The following MTERF4 variants were observed in gnomAD, a reference collection of about 807,000 sequenced individuals.
MTERF4 encodes the protein transcription termination factor 4, mitochondrial.
In MTERF4, 17 loss-of-function variants were observed where a neutral mutation model predicts 22.5. The ratio of observed to expected loss-of-function variants is 0.75; its 90% CI spans 0.52 to 1.13. The LOEUF is 1.13. Among genes scored for constraint, MTERF4 ranks in the 50% most tolerant of loss-of-function variants. The pLI, the probability that MTERF4 is intolerant of heterozygous loss-of-function variation, is 0.00. For synonymous variants in MTERF4, 165 were observed against 175.3 expected (o/e 0.94, Z 0.47); for missense variants, 420 against 466.8 (o/e 0.90, Z 0.92).
At chr2:241,071,697 C>CCG, downstream of MTERF4, 1 of 1,521,354 alleles carries the variant, frequency 6.6e-7, no homozygotes, top group Non-Finnish European at 8.8e-7. Context: ...ACAGCGCCCC[C>CCG]GAGACCCCCA....
downstream of MTERF4, among the ~76,000 whole-genome samples, chr2:241,086,827 C>A (rs1206050381): frequency 6.6e-6 from 1 of 152,222 alleles, no homozygotes; most frequent in Non-Finnish European, 1.5e-5. Flanking sequence ...TTATTATCTA[C>A]AAACTTGTAA....
chr2:241,081,903 GC>G, intron 4 of MTERF4: 2 of 803,810 alleles, frequency 2.5e-6, no homozygotes, highest in Non-Finnish European at 4.1e-6. Flanking sequence ...ACGATGAGGT[GC>G]CAGACAGGGA....
At chr2:241,051,733 C>T in the MTERF4 span, 2 of 1,474,754 alleles carry the variant, frequency 1.4e-6, no homozygotes, top group Non-Finnish European at 1.8e-6. This position sits in a 1 kb window ranked among gnomAD's most constrained non-coding sequence, Gnocchi z 4.7. Flanking sequence ...CCTCTCTGTC[C>T]TTCCACACAG....
At chr2:241,065,442 C>T in the MTERF4 span, 3 of 1,613,064 alleles carry the variant, frequency 1.9e-6, no homozygotes, top group South Asian at 2.2e-5. Flanking sequence ...CGGCTCCTAC[C>T]GCCGCACAGA....
At position 241,095,962 on chromosome 2, in the gene MTERF4, T is replaced by C. The variant is rs200035477; in HGVS notation, c.*36A>G. On this transcript the variant is annotated 3_prime_UTR_variant, in exon 4 of 4. Coordinates refer to ENST00000391980, the MANE Select transcript of MTERF4 (RefSeq NM_182501.4). Reference sequence around the variant, plus strand: ...AAGAGAATGAAAAGCTTCCTTGATATCTCTGGGCCCTTTCGCTCTAGTCCT... The same window carrying C: ...AAGAGAATGAAAAGCTTCCTTGATACCTCTGGGCCCTTTCGCTCTAGTCCT... The C allele has an allele frequency of 1.3e-6, 2 of 1,580,764 alleles. No homozygotes were observed. The highest frequency in any genetic ancestry group is 1.7e-6 in the Non-Finnish European group (2 of 1,163,182).
At chr2:241,072,326 C>A in exon 5 of MTERF4, 2 of 417,052 alleles carry the variant, frequency 4.8e-6, no homozygotes, top group South Asian at 3.6e-5. Flanking sequence ...GGCAGCAAGG[C>A]TGATGGGCCC....
chr2:241,051,699 C>T, the MTERF4 span: 2 of 1,400,710 alleles, frequency 1.4e-6, no homozygotes, highest in East Asian at 2.5e-5. The surrounding 1 kb of genome is among the most constrained non-coding windows in gnomAD (Gnocchi z 4.7). Context: ...TCTGTGGGGC[C>T]AGCAGCCTGG....
At chr2:241,057,264 A>G in the MTERF4 span, among the ~76,000 whole-genome samples, 2 of 151,838 alleles carry the variant, frequency 1.3e-5, no homozygotes, top group East Asian at 3.9e-4. Flanking sequence ...CTGTAATCTC[A>G]GCTACTCAGG....
downstream of MTERF4, chr2:241,087,487 G>A: frequency 6.3e-7 from 1 of 1,595,242 alleles, no homozygotes. Flanking sequence ...TGCCTCTGGG[G>A]AGCAGGCCCA....
chr2:241,098,120 A>G (rs2064539633), intron 2 of MTERF4, among the ~76,000 whole-genome samples: 1 of 152,216 alleles, frequency 6.6e-6, no homozygotes, highest in Non-Finnish European at 1.5e-5. Context: ...CTTAAAGTCA[A>G]CTATTTAAAC....
chr2:241,062,878 G>A, the MTERF4 span: 1 of 1,607,348 alleles, frequency 6.2e-7, no homozygotes, highest in East Asian at 2.2e-5. Flanking sequence ...TGCAGCACAG[G>A]CTATGAGGGC....
chr2:241,081,664 C>T (rs757076530), intron 4 of MTERF4: 61 of 1,576,492 alleles, frequency 3.9e-5, no homozygotes, highest in Admixed American at 9.0e-5. Context: ...CCTCTCGTGA[C>T]CTCTGTTTCC....
At chr2:241,053,468 T>G in the MTERF4 span, 1 of 819,764 alleles carries the variant, frequency 1.2e-6, no homozygotes, top group Non-Finnish European at 1.9e-6. Context: ...CTCAGTCTCC[T>G]GTCTGTGAAT....
downstream of MTERF4, among the ~76,000 whole-genome samples, chr2:241,086,587 T>G (rs1168600213): frequency 1.3e-5 from 2 of 152,242 alleles, no homozygotes; most frequent in Non-Finnish European, 2.9e-5. Context: ...ATACAGTTAC[T>G]TACTATATTT....
chr2:241,053,252 A>G, the MTERF4 span: 1 of 1,606,902 alleles, frequency 6.2e-7, no homozygotes, highest in Non-Finnish European at 8.5e-7. Flanking sequence ...GACCGTGGCT[A>G]CAGCCTGAGC....
At chr2:241,078,255 C>CAT (rs2063134742) in intron 4 of MTERF4, among the ~76,000 whole-genome samples, 1 of 151,434 alleles carries the variant, frequency 6.6e-6, no homozygotes, top group Non-Finnish European at 1.5e-5. Flanking sequence ...TGGTGGCGGG[C>CAT]GCCTGTAGTC....
chr2:241,046,260 G>T, the MTERF4 span, among the ~76,000 whole-genome samples: 1 of 152,172 alleles, frequency 6.6e-6, no homozygotes, highest in South Asian at 2.1e-4. Context: ...TTTTTATAAG[G>T]TTAAGTATAT....
chr2:241,071,877 A>G (rs1216575411), downstream of MTERF4: 5 of 1,599,364 alleles, frequency 3.1e-6, no homozygotes, highest in Non-Finnish European at 4.3e-6. Flanking sequence ...CCGTGAGATC[A>G]CGTGAGTGCC....
rs1443897029 is a variant in MTERF4 at position 241,099,524 on chromosome 2, A to C, written c.392T>G (p.Phe131Cys). 1 of 1,614,192 alleles carries C rather than the reference A, an allele frequency of 6.2e-7. No individual in the cohort carries two copies. The highest frequency in any genetic ancestry group is 1.1e-5 in the South Asian group (1 of 91,086). Reference sequence around the variant, plus strand: ...CTCTGGATTCAGACCCAAGAGAATAAATTCTGAAATGATGTCCAGCAACTG... The same window carrying C: ...CTCTGGATTCAGACCCAAGAGAATACATTCTGAAATGATGTCCAGCAACTG... ...LQQLLDIISE[F>C]ILLGLNPEPV... Residue 131 changes from phenylalanine (F) to cysteine (C), a missense_variant, in exon 2 of 4, where the codon TTT (phenylalanine) becomes TGT (cysteine). Coordinates refer to ENST00000391980, the MANE Select transcript of MTERF4 (RefSeq NM_182501.4).
Sources: gnomAD v4.1 joint callset for allele counts (sites outside exome capture counted in the v4.1 genomes callset) on GRCh38, gnomAD v4.1.1 for gene constraint, Gnocchi (gnomAD v3.1) non-coding constraint, MANE v1.5 for transcripts, NCBI Gene and HGNC (gene_info 2026-07-23, HGNC 2026-07-21) for gene names.